The following SPATA13 variants were observed in gnomAD, a reference collection of about 807,000 sequenced individuals.
SPATA13 encodes spermatogenesis associated 13, also known as spermatogenesis-associated protein 13.
A neutral mutation model predicts 104.0 loss-of-function variants in SPATA13; 50 were observed. The ratio of observed to expected loss-of-function variants is 0.48; its 90% confidence interval spans 0.38 to 0.61. The LOEUF (loss-of-function observed/expected upper bound fraction) is 0.61. Ranked by LOEUF, SPATA13 falls within the 20% of genes least tolerant of loss-of-function variation. The pLI, the probability that SPATA13 is intolerant of heterozygous loss-of-function variation, is 0.00. For synonymous variants in SPATA13, 606 were observed against 667.5 expected, an observed-to-expected ratio of 0.91 and a Z score of 1.42; for missense variants, 1,524 against 1,690.6, an observed-to-expected ratio of 0.90 and a Z score of 1.73.
intron 2 of SPATA13, among the ~76,000 whole-genome samples, chr13:23,993,254 T>A (rs1875499052): frequency 6.6e-6 from 1 of 152,270 alleles, no homozygotes; most frequent in East Asian, 1.9e-4. Flanking sequence ...AGAGCATCGC[T>A]GATCAGCCCA....
At chr13:24,073,401 A>G (rs901489529) in intron 3 of SPATA13, among the ~76,000 whole-genome samples, 12 of 152,254 alleles carry the variant, frequency 7.9e-5, no homozygotes, top group Admixed American at 2.6e-4. Flanking sequence ...TCTATTTGAT[A>G]CAATATAAAT....
chr13:24,044,898 T>TGGGGGTGGGGGG (rs1878077776), intron 3 of SPATA13, among the ~76,000 whole-genome samples: 1 of 17,888 alleles, frequency 5.6e-5, no homozygotes, highest in Non-Finnish European at 1.1e-4. Flanking sequence ...GGGGTGGGGG[T>TGGGGGTGGGGGG]GGGGGTAGGC....
chr13:24,258,828 A>G (rs1285403539), intron 4 of SPATA13, among the ~76,000 whole-genome samples: 2 of 152,230 alleles, frequency 1.3e-5, no homozygotes, highest in Non-Finnish European at 2.9e-5. Context: ...GCTGAGTTCT[A>G]AACAGAACAC....
At chr13:24,019,893 T>G (rs1266873163) in intron 3 of SPATA13, among the ~76,000 whole-genome samples, 2 of 152,220 alleles carry the variant, frequency 1.3e-5, no homozygotes, top group African/African-American at 4.8e-5. Context: ...CTGGTAGGGT[T>G]AGGAGTCTCA....
At chr13:24,268,724 A>C (rs543370100) in intron 4 of SPATA13, among the ~76,000 whole-genome samples, 1 of 152,200 alleles carries the variant, frequency 6.6e-6, no homozygotes, top group Non-Finnish European at 1.5e-5. Flanking sequence ...GTGCCACTGC[A>C]CTCCAGCCTG....
chr13:24,099,250 A>G (rs1255158761), intron 3 of SPATA13, among the ~76,000 whole-genome samples: 1 of 152,234 alleles, frequency 6.6e-6, no homozygotes, highest in African/African-American at 2.4e-5. Context: ...ACAAATGAGG[A>G]TGAGCATCTC....
chr13:24,107,496 C>T (rs1350482885), intron 3 of SPATA13, among the ~76,000 whole-genome samples: 3 of 152,160 alleles, frequency 2.0e-5, no homozygotes, highest in African/African-American at 7.2e-5. Context: ...AGCTGTTTCT[C>T]TCAGAAGATA....
At chr13:24,291,009 A>G (rs935078624) in intron 9 of SPATA13, 125 bp downstream of exon 9, 9 of 713,162 alleles carry the variant, frequency 1.3e-5, no homozygotes, top group Non-Finnish European at 1.9e-5. Context: ...GCTCCATGGG[A>G]GAAGTTTTCA....
chr13:24,003,921 T>A (rs1593269837), intron 2 of SPATA13, among the ~76,000 whole-genome samples: 1 of 151,864 alleles, frequency 6.6e-6, no homozygotes, highest in Non-Finnish European at 1.5e-5. Context: ...CAGAAGTCCC[T>A]TTTCAGCCAC....
At chr13:24,072,381 A>G (rs190423266) in intron 3 of SPATA13, among the ~76,000 whole-genome samples, 2 of 152,338 alleles carry the variant, frequency 1.3e-5, no homozygotes, top group African/African-American at 4.8e-5. Context: ...AAGCATTTGT[A>G]TGAACTGGGA....
chr13:24,302,753 C>A lies in SPATA13; in HGVS notation c.3814C>A (p.Leu1272Ile), dbSNP rs751832948. 8 of 1,614,072 alleles carry A rather than the reference C, an allele frequency of 5.0e-6. No homozygotes were observed. Among genetic ancestry groups the A allele is most frequent in the Non-Finnish European group, 6.8e-6 (8 of 1,180,046 alleles). The change falls in exon 13 of 13, where the codon CTC becomes ATC. Residue 1272 changes from leucine to isoleucine, a missense_variant. This residue lies in a region of SPATA13 where 435 missense variants were observed against 554.8 expected (regional missense o/e 0.78). Transcript: ENST00000382108. ...GCTCTTCTGGCACACCTTCAACAGG[C>A]TCACCCCCTTCCGGAAATGAAAACA... ...SSLFWHTFNR[L>I]TPFRK
At chr13:24,176,181 G>C (rs776076138) in intron 1 of SPATA13, among the ~76,000 whole-genome samples, 9 of 152,138 alleles carry the variant, frequency 5.9e-5, no homozygotes, top group Non-Finnish European at 7.3e-5. Flanking sequence ...TATTTCTTGA[G>C]AAATTGAAGC....
chr13:24,097,479 C>T (rs1880120366), intron 3 of SPATA13, among the ~76,000 whole-genome samples: 1 of 152,076 alleles, frequency 6.6e-6, no homozygotes, highest in African/African-American at 2.4e-5. Flanking sequence ...TTTTTCCTAG[C>T]TCAAAGGCAA....
rs1218527354 is a variant in SPATA13, at chr13:24,223,008, C to T, written c.79C>T (p.Pro27Ser). The T allele has an allele frequency of 1.0e-5, 16 of 1,551,200 alleles. 1 individual carries two copies. The highest frequency in any genetic ancestry group is 7.1e-5 in the South Asian group (6 of 84,050). The change falls in exon 2 of 13, where the codon CCC (proline) becomes TCC (serine). Residue 27 changes from proline (P) to serine (S), a missense_variant. Physicochemically the swap from Pro to Ser is moderately conservative, Grantham distance 74. This residue lies in a region of SPATA13 where 1,089 missense variants were observed against 1,135.9 expected (regional missense o/e 0.96). Coordinates refer to ENST00000382108, the MANE Select transcript of SPATA13 (RefSeq NM_001166271.3). ...TGCCCCAAACGGCCTCGGGCCAGGC[C>T]CCGCAGCCCCCTGTGCAGGCTCGGA... ...TTAPNGLGPG[P>S]AAPCAGSDLK...
intron 1 of SPATA13, 126 bp from the exon 2 acceptor site, chr13:24,222,693 G>C: frequency 1.3e-6 from 1 of 754,516 alleles, no homozygotes. Context: ...GAAATGTACA[G>C]TTTTAATTGA....
chr13:24,112,720 G>A (rs1880686313), intron 3 of SPATA13, among the ~76,000 whole-genome samples: 1 of 152,158 alleles, frequency 6.6e-6, no homozygotes, highest in African/African-American at 2.4e-5. Flanking sequence ...TCTCAGTCTT[G>A]ATCCACAGTT....
chr13:24,170,093 G>A (rs764101575), intron 1 of SPATA13, among the ~76,000 whole-genome samples: 6 of 152,198 alleles, frequency 3.9e-5, no homozygotes, highest in Non-Finnish European at 7.3e-5. Flanking sequence ...CCCATCTTCA[G>A]TTTACCACAT....
chr13:24,211,301 G>A (rs181520934), intron 1 of SPATA13, among the ~76,000 whole-genome samples: 1 of 152,292 alleles, frequency 6.6e-6, no homozygotes, highest in Admixed American at 6.5e-5. Flanking sequence ...TTGAATGGAA[G>A]TGGTGAGAGT....
chr13:24,027,963 T>C (rs1293048911), intron 3 of SPATA13, among the ~76,000 whole-genome samples: 1 of 152,242 alleles, frequency 6.6e-6, no homozygotes. Flanking sequence ...AAAACTGTGA[T>C]GAAATTGTTT....
Sources: gnomAD v4.1 joint callset for allele counts (sites outside exome capture counted in the v4.1 genomes callset) on GRCh38, gnomAD v4.1.1 for gene constraint, gnomAD v4.1.1 regional missense constraint, MANE v1.5 for transcripts, NCBI Gene and HGNC (gene_info 2026-07-23, HGNC 2026-07-21) for gene names.